Variants in CACNA1A observed in about 807,000 individuals in gnomAD.
The protein encoded by CACNA1A is voltage-dependent P/Q-type calcium channel subunit alpha-1A.
CACNA1A carries 57 observed loss-of-function variants against 262.4 expected under a neutral mutation model. That is an observed-to-expected ratio of 0.22 (90% CI 0.18 to 0.27). The LOEUF (loss-of-function observed/expected upper bound fraction) is 0.27. CACNA1A is among the 10% of genes least tolerant of loss of function. The pLI is 1.00. For missense variants in CACNA1A, 2,526 were observed against 3,562.8 expected, an observed-to-expected ratio of 0.71 and a Z score of 7.41; for synonymous variants, 1,431 against 1,419.3, an observed-to-expected ratio of 1.01 and a Z score of -0.18.
At position 13,455,978 on chromosome 19, in the gene CACNA1A, T is replaced by C. The variant is rs917703277; in HGVS notation, c.294-766A>G. ...CAGCCTGGCCAACATGGTGAAACCC[T>C]GTCTCTACTAAAAATACAAAAATTA... On this transcript the variant is annotated intron_variant, in intron 1 of 46. Transcript: ENST00000360228. Among the ~76,000 whole-genome samples, 148 of 151,324 alleles carry C rather than the reference T, an allele frequency of 9.8e-4. 1 individual carries two copies. Among genetic ancestry groups the C allele is most frequent in the African/African-American group, 3.3e-3 (138 of 41,262 alleles).
intron 28 of CACNA1A, 117 bp downstream of exon 28, chr19:13,257,233 A>G: frequency 1.3e-6 from 1 of 766,292 alleles, no homozygotes; most frequent in South Asian, 1.8e-5. Flanking sequence ...CGGTTGGGAC[A>G]ATGCTTCTGT....
intron 3 of CACNA1A, among the ~76,000 whole-genome samples, chr19:13,442,063 A>AGCT (rs1260553803): frequency 1.3e-5 from 2 of 152,116 alleles, no homozygotes; most frequent in Non-Finnish European, 2.9e-5. Context: ...GTGTGCTGGG[A>AGCT]GCTGTCCAGG....
At chr19:13,411,509 C>G (rs901168930) in intron 3 of CACNA1A, among the ~76,000 whole-genome samples, 1 of 152,162 alleles carries the variant, frequency 6.6e-6, no homozygotes, top group Non-Finnish European at 1.5e-5. Flanking sequence ...TCTCCTTTGC[C>G]TTCTGCCATG....
At chr19:13,493,817 G>A (rs142984365) in intron 1 of CACNA1A, among the ~76,000 whole-genome samples, 25 of 152,294 alleles carry the variant, frequency 1.6e-4, no homozygotes, top group African/African-American at 6.0e-4. Context: ...TATAATACAC[G>A]TATAAAGTGG....
chr19:13,300,506 C>T (rs778702561), intron 18 of CACNA1A, 44 bp downstream of exon 18: 9 of 1,348,410 alleles, frequency 6.7e-6, no homozygotes, highest in South Asian at 3.5e-5. Flanking sequence ...ATAGTGTGGA[C>T]GTTCAGGAGC....
intron 27 of CACNA1A, 23 bp from the exon 28 acceptor site, chr19:13,257,574 A>G: frequency 6.5e-7 from 1 of 1,532,064 alleles, no homozygotes; most frequent in Non-Finnish European, 8.9e-7. Flanking sequence ...GGGCAGGGAG[A>G]GGGAAGGGGC....
In CACNA1A at chr19:13,207,387, C is replaced by T. The variant is rs759902246; in HGVS notation, c.7447G>A (p.Ala2483Thr). The T allele has an allele frequency of 4.5e-6, 7 of 1,541,746 alleles. No homozygotes were observed. In the East Asian group the frequency reaches 1.2e-4, roughly 27 times the overall value. The change falls in exon 47 of 47, where the codon GCC becomes ACC. Residue 2483 changes from alanine (A) to threonine (T), a missense_variant. Ala to Thr is a moderately conservative substitution (Grantham distance 58). Around this residue, in one of 17 missense-constraint regions of CACNA1A, gnomAD observed 929 missense variants for 868.1 expected, o/e 1.07. Coordinates refer to ENST00000360228, the MANE Select transcript of CACNA1A (RefSeq NM_001127222.2). The surrounding 1 kb of genome is among the most constrained non-coding windows in gnomAD (Gnocchi z 5.7). ...PNGYYPAHGL[A>T]RPRGPGSRKG... ...CTGGAGCCCGGCCCGCGGGGCCTGG[C>T]CAGTCCGTGCGCCGGGTAGTAGCCG...
chr19:13,324,114 A>C (rs1473990205), intron 10 of CACNA1A, among the ~76,000 whole-genome samples: 2 of 152,208 alleles, frequency 1.3e-5, no homozygotes, highest in African/African-American at 4.8e-5. Context: ...AGGACATTAT[A>C]CTGAGTAAAA....
At chr19:13,441,283 T>C (rs1327599540) in intron 3 of CACNA1A, among the ~76,000 whole-genome samples, 1 of 152,176 alleles carries the variant, frequency 6.6e-6, no homozygotes, top group Non-Finnish European at 1.5e-5. Context: ...CGTGTCTATG[T>C]AGACTGGCTG....
intron 12 of CACNA1A, among the ~76,000 whole-genome samples, chr19:13,311,432 A>T (rs1036796211): frequency 1.3e-5 from 2 of 152,080 alleles, no homozygotes; most frequent in Non-Finnish European, 2.9e-5. Context: ...TTATTCTTTA[A>T]CTACTTGGGT....
chr19:13,208,099 A>T, intron 46 of CACNA1A, 46 bp from the exon 47 acceptor site: 1 of 1,217,234 alleles, frequency 8.2e-7, no homozygotes, highest in South Asian at 3.4e-5. Flanking sequence ...AAGATACAAC[A>T]AAATCAAAGG....
At chr19:13,324,265 T>C (rs1026703830) in intron 10 of CACNA1A, among the ~76,000 whole-genome samples, 1 of 152,148 alleles carries the variant, frequency 6.6e-6, no homozygotes, top group African/African-American at 2.4e-5. Flanking sequence ...GGAGAAGATG[T>C]TGATCAAAGG....
At chr19:13,231,928 G>A (rs2055678791) in intron 34 of CACNA1A, 68 bp from the exon 35 acceptor site, 3 of 1,522,020 alleles carry the variant, frequency 2.0e-6, no homozygotes, top group Non-Finnish European at 2.7e-6. Context: ...CTCCCCAGGA[G>A]GTGGAGCACA....
At chr19:13,253,741 G>C (rs1005375602) in intron 29 of CACNA1A, among the ~76,000 whole-genome samples, 1 of 148,170 alleles carries the variant, frequency 6.7e-6, no homozygotes, top group African/African-American at 2.5e-5. Flanking sequence ...ACCGTCCCCG[G>C]CTTCCTTATT....
intron 31 of CACNA1A, chr19:13,244,610 C>T (rs2056178329): frequency 6.6e-6 from 1 of 152,440 alleles, no homozygotes; most frequent in South Asian, 2.1e-4. Flanking sequence ...AGGAGAAGGG[C>T]AATGTGGCCT....
chr19:13,456,473 C>A (rs576882754), intron 1 of CACNA1A, among the ~76,000 whole-genome samples: 2 of 152,024 alleles, frequency 1.3e-5, no homozygotes, highest in South Asian at 4.2e-4. Context: ...GAGATCGAGA[C>A]CATCCTGGCT....
At chr19:13,219,808 C>G (rs2055154174) in intron 38 of CACNA1A, among the ~76,000 whole-genome samples, 1 of 151,910 alleles carries the variant, frequency 6.6e-6, no homozygotes, top group Admixed American at 6.6e-5. Context: ...AAAAAATTAT[C>G]CGGGCGTGGT....
chr19:13,210,759 G>A (rs2054782634), intron 43 of CACNA1A, 107 bp from the exon 44 acceptor site: 1 of 1,108,890 alleles, frequency 9.0e-7, no homozygotes. Flanking sequence ...AAGAAGCCAA[G>A]GAGGGGAGTG....
intron 3 of CACNA1A, among the ~76,000 whole-genome samples, chr19:13,437,668 G>T (rs2060634416): frequency 1.5e-5 from 2 of 135,738 alleles, no homozygotes; most frequent in South Asian, 4.7e-4. Flanking sequence ...TCCAGCCTGG[G>T]CAACAAGAGT....
Sources: gnomAD v4.1 joint callset for allele counts (sites outside exome capture counted in the v4.1 genomes callset) on GRCh38, gnomAD v4.1.1 for gene constraint, gnomAD v4.1.1 regional missense constraint, Gnocchi (gnomAD v3.1) non-coding constraint, MANE v1.5 for transcripts, NCBI Gene and HGNC (gene_info 2026-07-23, HGNC 2026-07-21) for gene names.